The following MYOM2 variants were observed in gnomAD, a reference collection of about 807,000 sequenced individuals.
MYOM2 encodes myomesin-2.
A neutral mutation model predicts 187.6 loss-of-function variants in MYOM2; 254 were observed. The observed-to-expected ratio is 1.35, with a 90% CI of 1.22 to 1.50. The LOEUF (loss-of-function observed/expected upper bound fraction) is 1.50. Ranked by LOEUF, MYOM2 falls within the 40% of genes most tolerant of loss-of-function variation. The pLI, the probability that MYOM2 is intolerant of heterozygous loss-of-function variation, is 0.00. For missense variants in MYOM2, 2,796 were observed against 1,924.0 expected (o/e 1.45, Z -8.48); for synonymous variants, 981 against 753.8 (o/e 1.30, Z -4.94).
At chr8:2,074,574 C>G (rs932037723) in intron 10 of MYOM2, among the ~76,000 whole-genome samples, 3 of 152,122 alleles carry the variant, frequency 2.0e-5, no homozygotes, top group Non-Finnish European at 4.4e-5. Flanking sequence ...CCTGCCTCAG[C>G]CTCCCCGGTA....
At chr8:2,082,249 T>A (rs1422363698) in intron 13 of MYOM2, 1 of 152,214 alleles carries the variant, frequency 6.6e-6, no homozygotes, top group African/African-American at 2.4e-5. Context: ...ACCTCAGCCA[T>A]TTTAAACAAG....
chr8:2,059,304 A>T lies in MYOM2; in HGVS notation c.653+59A>T, dbSNP rs942039370. ...TCCAGTAATCAGCATTGCAGACCCC[A>T]AAGAAGAAGTCAGATGGGTAACTGG... On this transcript the variant is annotated intron_variant, in intron 6 of 36. Coordinates refer to ENST00000262113, the MANE Select transcript of MYOM2 (RefSeq NM_003970.4). The T allele has an allele frequency of 2.3e-5, 34 of 1,506,528 alleles. 1 individual carries two copies. The highest frequency in any genetic ancestry group is 1.4e-4 in the South Asian group (12 of 86,648). 93.3% of individuals were successfully genotyped at this position (1,506,528 alleles called of 1,614,324 possible).
At chr8:2,124,706 A>G (rs557020987) in intron 31 of MYOM2, among the ~76,000 whole-genome samples, 299 of 152,310 alleles carry the variant, frequency 2.0e-3, no homozygotes, top group African/African-American at 6.9e-3. Flanking sequence ...ATATTAATTT[A>G]CATGCCACCA....
chr8:2,062,247 G>A (rs186537360), intron 6 of MYOM2, among the ~76,000 whole-genome samples: 262 of 152,288 alleles, frequency 1.7e-3, no homozygotes, highest in African/African-American at 6.0e-3. Context: ...GGAGGGAGGC[G>A]GGGAGACCCC....
At chr8:2,121,808 C>G (rs1223824189) in intron 28 of MYOM2, among the ~76,000 whole-genome samples, 1 of 152,186 alleles carries the variant, frequency 6.6e-6, no homozygotes. Flanking sequence ...AGCGCTGACT[C>G]TTAGGAAGTG....
At chr8:2,127,890 T>C (rs1047677000) in intron 31 of MYOM2, 1 of 152,736 alleles carries the variant, frequency 6.5e-6, no homozygotes, top group African/African-American at 2.4e-5. Flanking sequence ...TGGTTGGTGC[T>C]CTTTCTTTCC....
rs958998839 is a variant in MYOM2, at chr8:2,078,094, T to C, written c.1263-640T>C. On this transcript the variant is annotated intron_variant, in intron 11 of 36. Coordinates refer to ENST00000262113, the MANE Select transcript of MYOM2 (RefSeq NM_003970.4). ...TGGGAATTTCATGTGAAGGTTTTTT[T>C]CTTACATTTTTCAACCTGTGAAAAA... 7.9e-5 allele frequency among the ~76,000 whole-genome samples: 12 copies of C among 152,376 alleles called. No individual in the cohort carries two copies. The East Asian group carries it at 2.1e-3, about 27-fold the overall frequency.
At chr8:2,048,588 T>C (rs1221429266) in intron 1 of MYOM2, among the ~76,000 whole-genome samples, 1 of 152,064 alleles carries the variant, frequency 6.6e-6, no homozygotes, top group Admixed American at 6.5e-5. Flanking sequence ...ATGATGCAGA[T>C]TCAATATGGA....
chr8:2,055,779 G>C (rs1366259704), intron 3 of MYOM2, among the ~76,000 whole-genome samples: 5 of 152,314 alleles, frequency 3.3e-5, no homozygotes, highest in Admixed American at 1.3e-4. Flanking sequence ...GTCTCGGACA[G>C]GCCTTACCGC....
chr8:2,089,237 T>TTTTTTTTTTTTTTAG (rs1796209552), intron 14 of MYOM2, among the ~76,000 whole-genome samples: 7 of 152,018 alleles, frequency 4.6e-5, no homozygotes, highest in African/African-American at 7.2e-5. Flanking sequence ...TCAAGGTTTT[T>TTTTTTTTTTTTTTAG]AAAGTAATTA....
intron 32 of MYOM2, among the ~76,000 whole-genome samples, chr8:2,130,812 G>C (rs59279920): frequency 0.14 from 21,169 of 152,146 alleles, 2,583 homozygotes; most frequent in African/African-American, 0.31. Flanking sequence ...CTAGAACTCT[G>C]GTGAGTTTTG....
At chr8:2,137,962 C>G (rs1356037350) in intron 32 of MYOM2, among the ~76,000 whole-genome samples, 1 of 152,188 alleles carries the variant, frequency 6.6e-6, no homozygotes, top group East Asian at 1.9e-4. Context: ...GATTGAGTGG[C>G]TAATCCACTG....
chr8:2,076,314 A>G (rs1332276633), intron 11 of MYOM2, 32 bp downstream of exon 11: 6 of 1,609,810 alleles, frequency 3.7e-6, no homozygotes, highest in Non-Finnish European at 5.1e-6. Context: ...GGGGATGGGA[A>G]CGTTCCGCAT....
intron 23 of MYOM2, among the ~76,000 whole-genome samples, chr8:2,107,365 T>C (rs1480190280): frequency 6.6e-6 from 1 of 152,136 alleles, no homozygotes; most frequent in African/African-American, 2.4e-5. Context: ...CCAAAAGTTT[T>C]CTATTAAAGT....
At chr8:2,075,380 G>C (rs1819382345) in intron 10 of MYOM2, among the ~76,000 whole-genome samples, 1 of 152,186 alleles carries the variant, frequency 6.6e-6, no homozygotes, top group South Asian at 2.1e-4. Flanking sequence ...CAAAGGTGGG[G>C]AGTTTAACCA....
intron 6 of MYOM2, among the ~76,000 whole-genome samples, chr8:2,065,524 C>T (rs540577902): frequency 5.9e-5 from 9 of 152,278 alleles, no homozygotes; most frequent in African/African-American, 2.2e-4. Context: ...GAGCCAAGAT[C>T]ACGCCACTGC....
chr8:2,059,543 C>A (rs1422158484), intron 6 of MYOM2, among the ~76,000 whole-genome samples: 3 of 152,140 alleles, frequency 2.0e-5, no homozygotes, highest in African/African-American at 4.8e-5. Context: ...TTCATTGACA[C>A]CTCCTGCCAG....
chr8:2,067,421 C>G (rs1281659503), intron 6 of MYOM2, among the ~76,000 whole-genome samples: 1 of 152,132 alleles, frequency 6.6e-6, no homozygotes, highest in Non-Finnish European at 1.5e-5. Context: ...TCACGTGGAC[C>G]TTGTTTACCT....
At chr8:2,057,579 G>A in intron 4 of MYOM2, 44 bp from the exon 5 acceptor site, 1 of 1,613,128 alleles carries the variant, frequency 6.2e-7, no homozygotes, top group Non-Finnish European at 8.5e-7. Flanking sequence ...GGTGGAGCTT[G>A]GCTCGCTGCC....
Sources: gnomAD v4.1 joint callset for allele counts (sites outside exome capture counted in the v4.1 genomes callset) on GRCh38, gnomAD v4.1.1 for gene constraint, MANE v1.5 for transcripts, NCBI Gene and HGNC (gene_info 2026-07-23, HGNC 2026-07-21) for gene names.